TMEM71: variants seen among roughly 807,000 people sequenced by gnomAD.
The protein encoded by TMEM71 is transmembrane protein 71.
In TMEM71, 44 loss-of-function variants were observed where a neutral mutation model predicts 38.0. That is an observed-to-expected ratio of 1.16 (90% CI 0.91 to 1.49). TMEM71 has a LOEUF of 1.49. Among genes scored for constraint, TMEM71 ranks in the 40% most tolerant of loss-of-function variants. The pLI is 0.00. For missense variants in TMEM71, 367 were observed against 348.6 expected (o/e 1.05, Z -0.42); for synonymous variants, 133 against 122.5 (o/e 1.09, Z -0.56).
chr8:132,725,014 C>CT (rs961464972), intron 6 of TMEM71, among the ~76,000 whole-genome samples: 2 of 151,250 alleles, frequency 1.3e-5, no homozygotes, highest in Non-Finnish European at 2.9e-5. Flanking sequence ...TATGGAGGGC[C>CT]TTTTTTTCTT....
intron 9 of TMEM71, 118 bp downstream of exon 9, chr8:132,713,877 G>A (rs1160649980): frequency 2.1e-6 from 2 of 965,838 alleles, no homozygotes; most frequent in African/African-American, 1.6e-5. Context: ...TAGTCTTCAG[G>A]ACGAATGATC....
At chr8:132,768,859 C>T in the TMEM71 span, among the ~76,000 whole-genome samples, 1 of 152,266 alleles carries the variant, frequency 6.6e-6, no homozygotes, top group Non-Finnish European at 1.5e-5. Context: ...GCTTTCTGGT[C>T]CTGGCCAAGA....
chr8:132,756,410 AT>A (rs199782333), intron 3 of TMEM71, among the ~76,000 whole-genome samples: 3,027 of 65,788 alleles, frequency 0.046, 65 homozygotes, highest in African/African-American at 0.13. Context: ...TAACATATAT[AT>A]TATATATATA....
At chr8:132,771,686 T>A in the TMEM71 span, among the ~76,000 whole-genome samples, 20 of 152,100 alleles carry the variant, frequency 1.3e-4, no homozygotes, top group Non-Finnish European at 2.6e-4. Context: ...TAAAGTAATC[T>A]GGAACACCCT....
upstream of TMEM71, among the ~76,000 whole-genome samples, chr8:132,762,275 T>C (rs549491494): frequency 2.6e-5 from 4 of 152,304 alleles, no homozygotes; most frequent in African/African-American, 9.6e-5. Flanking sequence ...TTCACAGCTG[T>C]CTGGTATTCT....
downstream of TMEM71, chr8:132,709,801 T>C (rs1408998227): frequency 6.6e-6 from 1 of 152,100 alleles, no homozygotes; most frequent in Non-Finnish European, 1.5e-5. Flanking sequence ...ACAATAACTT[T>C]GTGTTGCCGT....
intron 6 of TMEM71, among the ~76,000 whole-genome samples, chr8:132,724,352 G>T (rs972134168): frequency 6.6e-6 from 1 of 152,046 alleles, no homozygotes; most frequent in Non-Finnish European, 1.5e-5. Context: ...CAGAGCAGCC[G>T]TTTATAGACC....
intron 7 of TMEM71, among the ~76,000 whole-genome samples, chr8:132,721,086 T>C (rs147207029): frequency 1.3e-5 from 2 of 152,172 alleles, no homozygotes. Context: ...TGATGTGACA[T>C]TTGAACGGAT....
At chr8:132,721,899 CTT>C in intron 7 of TMEM71, 139 bp downstream of exon 7, 1 of 762,278 alleles carries the variant, frequency 1.3e-6, no homozygotes, top group Admixed American at 2.1e-5. Flanking sequence ...TAAAGGGAAA[CTT>C]ATCATGGACA....
downstream of TMEM71, among the ~76,000 whole-genome samples, chr8:132,709,284 G>T (rs560652904): frequency 6.6e-6 from 1 of 152,170 alleles, no homozygotes; most frequent in African/African-American, 2.4e-5. Context: ...ATTCATGCAC[G>T]TGGATTGTGG....
intron 4 of TMEM71, among the ~76,000 whole-genome samples, chr8:132,750,351 A>G (rs189461773): frequency 1.6e-3 from 246 of 152,320 alleles, no homozygotes; most frequent in African/African-American, 5.6e-3. Context: ...CCCTTATTAC[A>G]ACTTGCCCAT....
chr8:132,766,229 A>G, the TMEM71 span, among the ~76,000 whole-genome samples: 1 of 152,138 alleles, frequency 6.6e-6, no homozygotes, highest in Non-Finnish European at 1.5e-5. Flanking sequence ...TCAGAAATAC[A>G]TAATGGCTTT....
At chr8:132,731,883 G>A (rs912384357) in intron 5 of TMEM71, among the ~76,000 whole-genome samples, 1 of 152,198 alleles carries the variant, frequency 6.6e-6, no homozygotes, top group African/African-American at 2.4e-5. Flanking sequence ...AAATGACTAA[G>A]GAAAGATACG....
intron 3 of TMEM71, 96 bp downstream of exon 3, chr8:132,757,138 C>G (rs1198309135): frequency 1.4e-6 from 1 of 738,708 alleles, no homozygotes; most frequent in African/African-American, 1.8e-5. Context: ...CCTCGTGATC[C>G]GCCTGCCTCG....
At chr8:132,769,952 G>A in the TMEM71 span, among the ~76,000 whole-genome samples, 1 of 152,240 alleles carries the variant, frequency 6.6e-6, no homozygotes, top group Admixed American at 6.5e-5. Flanking sequence ...ATTGCTGCTA[G>A]CTCTGTTCTC....
intron 5 of TMEM71, among the ~76,000 whole-genome samples, chr8:132,742,145 A>G (rs1446842190): frequency 6.6e-6 from 1 of 152,206 alleles, no homozygotes; most frequent in Non-Finnish European, 1.5e-5. Flanking sequence ...GGATTATTAT[A>G]ATATTGGAAT....
the TMEM71 span, chr8:132,775,537 G>A: frequency 2.7e-6 from 1 of 371,232 alleles, no homozygotes; most frequent in Non-Finnish European, 4.8e-6. Context: ...CTCCCTCCCC[G>A]GCCGCTGCCT....
intron 7 of TMEM71, 22 bp downstream of exon 7, chr8:132,722,018 A>G (rs750250104): frequency 1.2e-6 from 2 of 1,600,646 alleles, no homozygotes; most frequent in African/African-American, 1.3e-5. Flanking sequence ...ATACCGCTGC[A>G]TGAAAATAAA....
At chr8:132,749,846 T>A (rs2131170790) in intron 4 of TMEM71, among the ~76,000 whole-genome samples, 1 of 151,992 alleles carries the variant, frequency 6.6e-6, no homozygotes, top group South Asian at 2.1e-4. Flanking sequence ...AAACCCCATC[T>A]CCACTAAAAA....
Sources: allele counts gnomAD v4.1 joint callset (sites outside exome capture counted in the v4.1 genomes callset), GRCh38; gene constraint gnomAD v4.1.1; transcripts MANE v1.5; gene names NCBI Gene and HGNC (gene_info 2026-07-23, HGNC 2026-07-21).